Variants in ITGA4 observed in about 807,000 individuals in gnomAD.
ITGA4 encodes the protein integrin subunit alpha 4.
ITGA4 carries 63 observed loss-of-function variants against 133.6 expected under a neutral mutation model. The ratio of observed to expected loss-of-function variants is 0.47; its 90% confidence interval spans 0.38 to 0.58. The LOEUF is 0.58. Among genes scored for constraint, ITGA4 ranks in the 20% least tolerant of loss-of-function variants. ITGA4 has a pLI of 0.00. For missense variants in ITGA4, 1,076 were observed against 1,252.7 expected (o/e 0.86, Z 2.13); for synonymous variants, 483 against 438.0 (o/e 1.10, Z -1.28).
At chr2:181,518,681 C>T (rs1479417080) in intron 17 of ITGA4, among the ~76,000 whole-genome samples, 1 of 152,014 alleles carries the variant, frequency 6.6e-6, no homozygotes, top group African/African-American at 2.4e-5. Flanking sequence ...AGTGCAAAAG[C>T]ATGTCTGTGT....
At position 181,537,291 on chromosome 2, in the gene ITGA4, T is replaced by C. The variant is rs1445555924; in HGVS notation, c.*1764T>C. 2.2e-6 allele frequency: 1 copy of C among 453,704 alleles called. No individual in the cohort carries two copies. Among genetic ancestry groups the C allele is most frequent in the African/African-American group, 2.0e-5 (1 of 50,070 alleles). 28.1% of individuals were successfully genotyped at this position (453,704 alleles called of 1,614,324 possible). ...TCAGAACTACTCAGAAACAACTATA[T>C]ATTTCAGGTTATCTGAGCACAGTGA... On this transcript the variant is annotated 3_prime_UTR_variant, in exon 28 of 28. Coordinates refer to ENST00000397033, the MANE Select transcript of ITGA4 (RefSeq NM_000885.6).
intron 17 of ITGA4, among the ~76,000 whole-genome samples, chr2:181,518,977 A>G (rs1460597370): frequency 6.6e-6 from 1 of 152,074 alleles, no homozygotes; most frequent in African/African-American, 2.4e-5. Context: ...AGAAACAAAG[A>G]TAGATATAAA....
chr2:181,534,781 T>TTTG, intron 26 of ITGA4, 35 bp from the exon 27 acceptor site: 3 of 1,547,694 alleles, frequency 1.9e-6, no homozygotes, highest in Non-Finnish European at 2.6e-6. Context: ...TTTTTTTTTT[T>TTTG]GGTTTTTGAG....
At chr2:181,489,669 T>C (rs893581928) in intron 10 of ITGA4, among the ~76,000 whole-genome samples, 8 of 152,214 alleles carry the variant, frequency 5.3e-5, no homozygotes, top group African/African-American at 1.9e-4. Context: ...CTGTTTTATT[T>C]GTTTATAGGG....
chr2:181,504,023 T>C (rs1686339227), intron 15 of ITGA4, among the ~76,000 whole-genome samples: 1 of 152,026 alleles, frequency 6.6e-6, no homozygotes, highest in Non-Finnish European at 1.5e-5. Flanking sequence ...TTGGTTGAAC[T>C]TGATGGATCC....
intron 17 of ITGA4, among the ~76,000 whole-genome samples, chr2:181,519,833 G>T (rs1686682389): frequency 1.3e-5 from 2 of 151,976 alleles, no homozygotes; most frequent in Admixed American, 6.6e-5. Context: ...CAGTATTTAT[G>T]CTGATACTTT....
At chr2:181,528,789 T>C (rs372675551) in intron 22 of ITGA4, among the ~76,000 whole-genome samples, 2 of 152,336 alleles carry the variant, frequency 1.3e-5, no homozygotes, top group South Asian at 2.1e-4. Context: ...CATCTCTTTC[T>C]GACTTACTGT....
chr2:181,517,466 G>A (rs924000321), intron 17 of ITGA4, among the ~76,000 whole-genome samples: 4 of 152,034 alleles, frequency 2.6e-5, no homozygotes, highest in Non-Finnish European at 5.9e-5. Context: ...TATGTACACA[G>A]TACCTTGATT....
intron 1 of ITGA4, 52 bp from the exon 2 acceptor site, chr2:181,458,144 C>T: frequency 1.9e-6 from 3 of 1,610,240 alleles, no homozygotes; most frequent in Non-Finnish European, 2.5e-6. Flanking sequence ...ACAGGGAGCT[C>T]AGTGGGCAGC....
At chr2:181,482,317 A>G in intron 7 of ITGA4, 43 bp from the exon 8 acceptor site, 2 of 1,539,684 alleles carry the variant, frequency 1.3e-6, no homozygotes, top group Admixed American at 2.1e-5. Flanking sequence ...GTTTTAAAAA[A>G]TGTTATTCCT....
At chr2:181,466,932 C>G (rs890020975) in intron 2 of ITGA4, among the ~76,000 whole-genome samples, 1 of 152,118 alleles carries the variant, frequency 6.6e-6, no homozygotes, top group East Asian at 1.9e-4. Flanking sequence ...CTTGCATACA[C>G]AAGCATAAGT....
At chr2:181,499,124 C>A (rs1466804801) in intron 15 of ITGA4, among the ~76,000 whole-genome samples, 1 of 152,070 alleles carries the variant, frequency 6.6e-6, no homozygotes, top group African/African-American at 2.4e-5. Flanking sequence ...TTCCGTGGTA[C>A]GTTTTTTGGG....
At chr2:181,469,821 A>T (rs1468764986) in intron 2 of ITGA4, among the ~76,000 whole-genome samples, 1 of 152,108 alleles carries the variant, frequency 6.6e-6, no homozygotes, top group Non-Finnish European at 1.5e-5. Context: ...AAGAACAAAA[A>T]ACCAAACACC....
Position 181,462,721 on chromosome 2 carries a change from AAAAGG to A in ITGA4, c.319+4406_319+4410del, listed in dbSNP as rs1685316391. 2.0e-5 allele frequency among the ~76,000 whole-genome samples: 3 copies of A among 152,310 alleles called. No homozygotes were observed. In the East Asian group the frequency reaches 5.8e-4, roughly 29 times the overall value. On this transcript the variant is annotated intron_variant, in intron 2 of 27. Transcript: ENST00000397033. Reference sequence around the variant, plus strand: ...AGCAGTTTCCCAAACTTTATGTCCCAAAAGGATGAGGTTTCCACCTAATTTGAGAG... The same window carrying A: ...AGCAGTTTCCCAAACTTTATGTCCCAATGAGGTTTCCACCTAATTTGAGAG...
rs1043984751 is a variant in ITGA4 at position 181,538,000 on chromosome 2, G to A, written c.*2473G>A. 2.2e-5 allele frequency: 15 copies of A among 680,600 alleles called. No homozygotes were observed. Among genetic ancestry groups the A allele is most frequent in the African/African-American group, 1.8e-4 (10 of 56,322 alleles). The allele number at this position is 680,600 out of a possible 1,614,324, so 42.2% of individuals were successfully genotyped here. ...GGATCTAGAGTGCCATGTTCCTCAA[G>A]AGAATCTAATGCCTGATGATCTGAG... is the stretch of plus-strand genomic sequence containing the variant. On this transcript the variant is annotated 3_prime_UTR_variant, in exon 28 of 28. Coordinates refer to ENST00000397033, the MANE Select transcript of ITGA4 (RefSeq NM_000885.6).
intron 5 of ITGA4, 61 bp from the exon 6 acceptor site, chr2:181,480,076 G>C (rs547178680): frequency 1.7e-6 from 2 of 1,195,492 alleles, no homozygotes; most frequent in South Asian, 3.2e-5. Flanking sequence ...TCGTGTATCT[G>C]GAGGAGGTTT....
intron 9 of ITGA4, among the ~76,000 whole-genome samples, chr2:181,483,571 G>T (rs1481070733): frequency 6.6e-6 from 1 of 151,652 alleles, no homozygotes; most frequent in African/African-American, 2.4e-5. Context: ...TACAATTTAA[G>T]AAAGAAAACA....
At chr2:181,509,219 T>G (rs554033471) in intron 15 of ITGA4, among the ~76,000 whole-genome samples, 106 of 123,156 alleles carry the variant, frequency 8.6e-4, no homozygotes, top group African/African-American at 3.0e-3. Flanking sequence ...TGGAGTCAAA[T>G]GAATCAAATT....
Position 181,537,656 on chromosome 2 carries a change from AAATTATTTCAG to A in ITGA4, c.*2136_*2146del, listed in dbSNP as rs1165701523. 1 of 434,606 alleles carries A rather than the reference AAATTATTTCAG, an allele frequency of 2.3e-6. No individual in the cohort carries two copies. The highest frequency in any genetic ancestry group is 2.1e-5 in the African/African-American group (1 of 48,772). The allele number at this position is 434,606 out of a possible 1,614,324, so 26.9% of individuals were successfully genotyped here. A position where few individuals can be genotyped will look rare whatever the true frequency, so the allele number is the denominator to read the frequency against. ...CAAATCCTGAAAAATGAAAGAATCC[AAATTATTTCAG>A]AATTATCTAGGTTAAATATTGATGT... On this transcript the variant is annotated 3_prime_UTR_variant, in exon 28 of 28. Coordinates refer to ENST00000397033, the MANE Select transcript of ITGA4 (RefSeq NM_000885.6).
Sources: gnomAD v4.1 joint callset for allele counts (sites outside exome capture counted in the v4.1 genomes callset) on GRCh38, gnomAD v4.1.1 for gene constraint, MANE v1.5 for transcripts, NCBI Gene and HGNC (gene_info 2026-07-23, HGNC 2026-07-21) for gene names.